Variants in NAGLU observed in about 807,000 individuals in gnomAD.
NAGLU encodes alpha-N-acetylglucosaminidase.
Under a neutral mutation model 43.4 loss-of-function variants are expected in NAGLU, and 34 were observed. The ratio of observed to expected loss-of-function variants is 0.78; its 90% CI spans 0.60 to 1.04. The LOEUF (loss-of-function observed/expected upper bound fraction) is 1.04. NAGLU is among the 50% of genes least tolerant of loss of function. NAGLU has a pLI of 0.00. For synonymous variants in NAGLU, 425 were observed against 437.6 expected, an observed-to-expected ratio of 0.97 and a Z score of 0.36; for missense variants, 910 against 993.7, an observed-to-expected ratio of 0.92 and a Z score of 1.13.
At position 42,543,522 on chromosome 17, in the gene NAGLU, G is replaced by A. The variant is rs1262778017; in HGVS notation, c.1516G>A (p.Gly506Arg). The A allele has an allele frequency of 1.4e-5, 23 of 1,606,476 alleles. No homozygotes were observed. Among genetic ancestry groups the A allele is most frequent in the East Asian group, 2.2e-5 (1 of 44,624 alleles). Residue 506 changes from glycine (G) to arginine (R), a missense_variant, in exon 6 of 6, where the codon GGG becomes AGG. Transcript: ENST00000225927. ...GCTCCGGAGTGTGTACAACTGCTCC[G>A]GGGAGGCCTGCAGGGGCCACAATCG... ...LLLRSVYNCS[G>R]EACRGHNRSP... is the part of the protein sequence containing the mutation.
chr17:42,537,659 GCA>G, intron 2 of NAGLU, 114 bp downstream of exon 2: 1 of 1,422,676 alleles, frequency 7.0e-7, no homozygotes, highest in East Asian at 2.5e-5. Flanking sequence ...CTTTCAGCGT[GCA>G]CAGTGGCTTG....
In NAGLU at chr17:42,540,967, A is replaced by C; in HGVS notation, c.782A>C (p.Asn261Thr). Residue 261 changes from asparagine (N) to threonine (T), a missense_variant, in exon 5 of 6, where the codon AAT (asparagine) becomes ACT (threonine). By Grantham distance (65) the Asn-to-Thr change is moderately conservative. Coordinates refer to ENST00000225927, the MANE Select transcript of NAGLU (RefSeq NM_000263.4). ...CCCACTAGGGTGTTCCCTCAGGTCA[A>C]TGTCACGAAGATGGGCAGTTGGGGC... ...EAVTRVFPQV[N>T]VTKMGSWGHF... 6.2e-7 allele frequency: 1 copy of C among 1,614,178 alleles called. No homozygotes were observed.
In NAGLU at chr17:42,543,720, G is replaced by A; in HGVS notation, c.1714G>A (p.Val572Ile). Residue 572 changes from valine (V) to isoleucine (I), a missense_variant, in exon 6 of 6, where the codon GTC becomes ATC. Transcript: ENST00000225927. Reference sequence around the variant, plus strand: ...CACTCGGCAGGCAGTGCAGGAGCTGGTCAGCTTGTACTATGAGGAGGCAAG... The same window carrying A: ...CACTCGGCAGGCAGTGCAGGAGCTGATCAGCTTGTACTATGAGGAGGCAAG... ...DLTRQAVQEL[V>I]SLYYEEARSA... 6.2e-7 allele frequency: 1 copy of A among 1,612,050 alleles called. No individual in the cohort carries two copies. Among genetic ancestry groups the A allele is most frequent in the South Asian group, 1.1e-5 (1 of 91,058 alleles).
rs748680232 is a variant in NAGLU, at chr17:42,543,266, A to G, written c.1260A>G (p.Leu420=). ...GAAACCATGGTCTTTTTGGAGCCCTAGAGGCTGTGAACGGAGGCCCAGAAG... is the reference window on the plus strand; with the variant it reads ...GAAACCATGGTCTTTTTGGAGCCCTGGAGGCTGTGAACGGAGGCCCAGAAG... ...FGGNHGLFGA[L]EAVNGGPEAA... Residue 420 remains leucine (L), a synonymous_variant, in exon 6 of 6, where the codon CTA becomes CTG. Transcript: ENST00000225927. 1 of 1,614,112 alleles carries G rather than the reference A, an allele frequency of 6.2e-7. No homozygotes were observed.
rs745809575 is a variant in NAGLU at position 42,541,102 on chromosome 17, A to G, written c.917A>G (p.Asp306Gly). Residue 306 changes from aspartate to glycine, a missense_variant, in exon 5 of 6, where the codon GAC becomes GGC. Coordinates refer to ENST00000225927, the MANE Select transcript of NAGLU (RefSeq NM_000263.4). ...GAGCTGATCAAAGAGTTTGGCACAG[A>G]CCACATCTATGGGGCCGACACTTTC... ...LRELIKEFGTDHIYGADTFNE... is the reference protein window; with the variant it reads ...LRELIKEFGTGHIYGADTFNE... 4 of 1,613,928 alleles carry G rather than the reference A, an allele frequency of 2.5e-6. No homozygotes were observed. The African/African-American group carries it at 5.3e-5, about 22-fold the overall frequency.
In NAGLU at chr17:42,543,366, G is replaced by T. The variant is rs776800328; in HGVS notation, c.1360G>T (p.Val454Phe). 1.2e-6 allele frequency: 2 copies of T among 1,612,370 alleles called. No homozygotes were observed. Among genetic ancestry groups the T allele is most frequent in the African/African-American group, 1.3e-5 (1 of 75,056 alleles). Residue 454 changes from valine to phenylalanine, a missense_variant, in exon 6 of 6, where the codon GTC (valine) becomes TTC (phenylalanine). Coordinates refer to ENST00000225927, the MANE Select transcript of NAGLU (RefSeq NM_000263.4). ...CGAGGGCATCAGCCAGAACGAAGTG[G>T]TCTATTCCCTCATGGCTGAGCTGGG... ...APEGISQNEV[V>F]YSLMAELGWR... is the part of the protein sequence containing the mutation.
intron 4 of NAGLU, among the ~76,000 whole-genome samples, chr17:42,540,007 G>A (rs917354598): frequency 4.6e-5 from 7 of 151,594 alleles, no homozygotes; most frequent in African/African-American, 1.5e-4. Context: ...CCAGCTACTC[G>A]GTAGGCTGAG....
In NAGLU at chr17:42,543,554, G is replaced by T; in HGVS notation, c.1548G>T (p.Pro516=). The part of the protein sequence containing the change: ...GEACRGHNRS[P]LVRRPSLQMN... Reference sequence around the variant, plus strand: ...CCTGCAGGGGCCACAATCGTAGCCCGCTGGTCAGGCGGCCGTCCCTACAGA... The same window carrying T: ...CCTGCAGGGGCCACAATCGTAGCCCTCTGGTCAGGCGGCCGTCCCTACAGA... The change falls in exon 6 of 6, where the codon CCG becomes CCT. Residue 516 remains proline (P), a synonymous_variant. Coordinates refer to ENST00000225927, the MANE Select transcript of NAGLU (RefSeq NM_000263.4). The T allele has an allele frequency of 6.2e-7, 1 of 1,611,236 alleles. No homozygotes were observed. The highest frequency in any genetic ancestry group is 2.2e-5 in the East Asian group (1 of 44,808).
intron 1 of NAGLU, chr17:42,537,011 C>T (rs965101876): frequency 2.4e-5 from 11 of 455,384 alleles, no homozygotes; most frequent in Middle Eastern, 6.3e-4. Context: ...CCCTACAGGC[C>T]TGTGTTCCAG....
rs1599258487 is a variant in NAGLU at position 42,541,096 on chromosome 17, G to T, written c.911G>T (p.Gly304Val). 6.2e-7 allele frequency: 1 copy of T among 1,614,060 alleles called. No individual in the cohort carries two copies. Among genetic ancestry groups the T allele is most frequent in the Non-Finnish European group, 8.5e-7 (1 of 1,180,026 alleles). Residue 304 changes from glycine (G) to valine (V), a missense_variant, in exon 5 of 6, where the codon GGC becomes GTC. Gly to Val is a moderately radical substitution (Grantham distance 109, BLOSUM62 -3). Transcript: ENST00000225927. ...CTGCGAGAGCTGATCAAAGAGTTTG[G>T]CACAGACCACATCTATGGGGCCGAC... ...LFLRELIKEF[G>V]TDHIYGADTF... is the part of the protein sequence containing the mutation.
In NAGLU at chr17:42,544,304, G is replaced by T; in HGVS notation, c.*66G>T. On this transcript the variant is annotated 3_prime_UTR_variant, in exon 6 of 6. Coordinates refer to ENST00000225927, the MANE Select transcript of NAGLU (RefSeq NM_000263.4). ...GGGCAGATTCCAGGGCCCAGAGCTG[G>T]ACAGACATCACAGGATAACCCAGGC... 1 of 1,597,244 alleles carries T rather than the reference G, an allele frequency of 6.3e-7. No homozygotes were observed. Among genetic ancestry groups the T allele is most frequent in the South Asian group, 1.1e-5 (1 of 90,524 alleles).
chr17:42,540,223 C>T (rs1354639736), intron 4 of NAGLU, among the ~76,000 whole-genome samples: 4 of 151,068 alleles, frequency 2.6e-5, no homozygotes, highest in Admixed American at 6.6e-5. Flanking sequence ...CATCACACAC[C>T]GGGGCCTTTC....
Position 42,544,097 on chromosome 17 carries a change from TG to T in NAGLU, c.2092del (p.Asp698ThrfsTer109), listed in dbSNP as rs771031938. On this transcript the variant is annotated frameshift_variant, in exon 6 of 6. Coordinates refer to ENST00000225927, the MANE Select transcript of NAGLU (RefSeq NM_000263.4). LOFTEE classifies it low-confidence loss of function (END_TRUNC). The stretch of plus-strand genomic sequence containing the variant: ...GCATCCCTTTCCAACAGCACCAGTT[TG>T]ACAAAAATGTCTTCCAACTGGAGCA... ...QGIPFQQHQF[D>X]KNVFQLEQAF... The T allele has an allele frequency of 6.2e-7, 1 of 1,614,120 alleles. No individual in the cohort carries two copies.
In NAGLU at chr17:42,538,100, G is replaced by C. The variant is rs4792923; in HGVS notation, c.532-239G>C. Among the ~76,000 whole-genome samples the C allele has an allele frequency of 0.74, 113,086 of 152,100 alleles. 42,243 individuals carry two copies. The highest frequency in any genetic ancestry group is 0.8 in the Admixed American group (12,180 of 15,272). On this transcript the variant is annotated intron_variant, in intron 2 of 5. Transcript: ENST00000225927. ...CCATGAAGCCTTCTAAGGCCTTCCT[G>C]TTGGGGGAAAGCCCCTTTGTGCCCC... is the stretch of plus-strand genomic sequence containing the variant.
intron 5 of NAGLU, 51 bp from the exon 6 acceptor site, chr17:42,542,977 C>T (rs763453712): frequency 2.8e-5 from 45 of 1,596,672 alleles, no homozygotes; most frequent in Non-Finnish European, 3.7e-5. Context: ...ATTCCCTGGG[C>T]CCTCTGTTTC....
Position 42,541,111 on chromosome 17 carries a change from A to T in NAGLU, c.926A>T (p.Tyr309Phe), listed in dbSNP as rs1305299665. ...LIKEFGTDHIYGADTFNEMQP... is the reference protein window; with the variant it reads ...LIKEFGTDHIFGADTFNEMQP... ...AAAGAGTTTGGCACAGACCACATCT[A>T]TGGGGCCGACACTTTCAATGAGATG... The change falls in exon 5 of 6, where the codon TAT becomes TTT. Residue 309 changes from tyrosine to phenylalanine, a missense_variant. Physicochemically the swap from Tyr to Phe is conservative, Grantham distance 22. Transcript: ENST00000225927. 1 of 1,614,114 alleles carries T rather than the reference A, an allele frequency of 6.2e-7. No individual in the cohort carries two copies. Among genetic ancestry groups the T allele is most frequent in the Admixed American group, 1.7e-5 (1 of 60,018 alleles).
intron 4 of NAGLU, among the ~76,000 whole-genome samples, chr17:42,540,232 T>G (rs1352619162): frequency 6.6e-6 from 1 of 150,932 alleles, no homozygotes; most frequent in Non-Finnish European, 1.5e-5. Context: ...CCGGGGCCTT[T>G]CGCGGTGTGG....
In NAGLU at chr17:42,541,180, C is replaced by T. The variant is rs758715395; in HGVS notation, c.995C>T (p.Thr332Ile). 4 of 1,613,322 alleles carry T rather than the reference C, an allele frequency of 2.5e-6. No homozygotes were observed. In the South Asian group the frequency reaches 4.4e-5, roughly 18 times the overall value. ...SEPSYLAAAT[T>I]AVYEAMTAVD... is the part of the protein sequence containing the mutation. ...CCCTCCTACCTTGCCGCAGCCACCACTGCCGTCTATGAGGCCATGACTGCA... is the reference window on the plus strand; with the variant it reads ...CCCTCCTACCTTGCCGCAGCCACCATTGCCGTCTATGAGGCCATGACTGCA... The change falls in exon 5 of 6, where the codon ACT (threonine) becomes ATT (isoleucine). Residue 332 changes from threonine (T) to isoleucine (I), a missense_variant. Thr to Ile is a moderately conservative substitution (Grantham distance 89). Coordinates refer to ENST00000225927, the MANE Select transcript of NAGLU (RefSeq NM_000263.4).
chr17:42,543,583 A>C lies in NAGLU; in HGVS notation c.1577A>C (p.Asn526Thr). 1 of 1,612,982 alleles carries C rather than the reference A, an allele frequency of 6.2e-7. No homozygotes were observed. The highest frequency in any genetic ancestry group is 8.5e-7 in the Non-Finnish European group (1 of 1,179,986). ...GTCAGGCGGCCGTCCCTACAGATGAATACCAGCATCTGGTACAACCGATCT... is the reference window on the plus strand; with the variant it reads ...GTCAGGCGGCCGTCCCTACAGATGACTACCAGCATCTGGTACAACCGATCT... ...PLVRRPSLQMNTSIWYNRSDV... is the reference protein window; with the variant it reads ...PLVRRPSLQMTTSIWYNRSDV... The change falls in exon 6 of 6, where the codon AAT becomes ACT. Residue 526 changes from asparagine (N) to threonine (T), a missense_variant. Coordinates refer to ENST00000225927, the MANE Select transcript of NAGLU (RefSeq NM_000263.4).
Sources: gnomAD v4.1 joint callset for allele counts (sites outside exome capture counted in the v4.1 genomes callset) on GRCh38, gnomAD v4.1.1 for gene constraint, MANE v1.5 for transcripts, NCBI Gene and HGNC (gene_info 2026-07-23, HGNC 2026-07-21) for gene names.